Variants in PACSIN3 observed in about 807,000 individuals in gnomAD.
PACSIN3 encodes protein kinase C and casein kinase substrate in neurons protein 3.
A neutral mutation model predicts 56.1 loss-of-function variants in PACSIN3; 34 were observed. The observed-to-expected ratio is 0.61, with a 90% confidence interval of 0.46 to 0.81. The LOEUF (loss-of-function observed/expected upper bound fraction) is 0.81, where lower values mean the gene tolerates loss of function less well. Ranked by LOEUF, PACSIN3 falls within the 30% of genes least tolerant of loss-of-function variation. The pLI, the probability that PACSIN3 is intolerant of heterozygous loss-of-function variation, is 0.00. For synonymous variants in PACSIN3, 218 were observed against 229.8 expected (o/e 0.95, Z 0.46); for missense variants, 535 against 592.4 (o/e 0.90, Z 1.01).
Position 47,179,228 on chromosome 11 carries a change from G to T in PACSIN3, c.831C>A (p.Asp277Glu). Residue 277 changes from aspartate to glutamate, a missense_variant, in exon 8 of 11, where the codon GAC becomes GAA. Physicochemically the swap from Asp to Glu is conservative, Grantham distance 45. Transcript: ENST00000298838. This position sits in a 1 kb window ranked among gnomAD's most constrained non-coding sequence, Gnocchi z 4.4. The stretch of plus-strand genomic sequence containing the variant: ...TGCGCCACCAGCGCAGATCCTCTTC[G>T]TCACTGGCTGCCTCAATGCCCTGGT... ...DLHQGIEAAS[D>E]EEDLRWWRST... 1 of 1,613,956 alleles carries T rather than the reference G, an allele frequency of 6.2e-7. No individual in the cohort carries two copies. Among genetic ancestry groups the T allele is most frequent in the Non-Finnish European group, 8.5e-7 (1 of 1,180,014 alleles).
intron 3 of PACSIN3, 32 bp from the exon 4 acceptor site, chr11:47,182,591 G>A (rs1953048907): frequency 6.2e-7 from 1 of 1,604,674 alleles, no homozygotes; most frequent in Non-Finnish European, 8.5e-7. Flanking sequence ...GCCATCACCA[G>A]GGAGAAGCTT....
rs762462847 is a variant in PACSIN3, at chr11:47,182,466, C to T, written c.148G>A (p.Glu50Lys). The change falls in exon 4 of 11, where the codon GAG becomes AAG. Residue 50 changes from glutamate to lysine, a missense_variant. Physicochemically the swap from Glu to Lys is moderately conservative, Grantham distance 56. Coordinates refer to ENST00000298838, the MANE Select transcript of PACSIN3 (RefSeq NM_016223.5). ...GCCAACTGCTGGGCATAAGCCTTCT[C>T]GATGCGGGCGCGCTCCTGGAAGCAG... Reference protein sequence around the residue: ...VSCFQERARIEKAYAQQLADW... With the variant: ...VSCFQERARIKKAYAQQLADW... 4.4e-6 allele frequency: 7 copies of T among 1,606,606 alleles called. No homozygotes were observed. The highest frequency in any genetic ancestry group is 1.1e-5 in the South Asian group (1 of 91,080).
At chr11:47,181,360 C>T (rs961668450) in intron 4 of PACSIN3, among the ~76,000 whole-genome samples, 2 of 152,208 alleles carry the variant, frequency 1.3e-5, no homozygotes, top group African/African-American at 4.8e-5. Flanking sequence ...TGTGTGCCCT[C>T]GAGGAAGACA....
chr11:47,180,217 C>G lies in PACSIN3; in HGVS notation c.572G>C (p.Arg191Pro). Reference sequence around the variant, plus strand: ...GGCCTCCTTGGCACAGCGTTCCACCCGTTCCTGCAGTTTGCGCAGCTGCTC... The same window carrying G: ...GGCCTCCTTGGCACAGCGTTCCACCGGTTCCTGCAGTTTGCGCAGCTGCTC... The part of the protein sequence containing the change: ...SQEQLRKLQE[R>P]VERCAKEAEK... The change falls in exon 6 of 11, where the codon CGG (arginine) becomes CCG (proline). Residue 191 changes from arginine to proline, a missense_variant. Transcript: ENST00000298838. The G allele has an allele frequency of 6.2e-7, 1 of 1,603,618 alleles. No homozygotes were observed. Among genetic ancestry groups the G allele is most frequent in the Non-Finnish European group, 8.5e-7 (1 of 1,179,958 alleles).
intron 4 of PACSIN3, among the ~76,000 whole-genome samples, chr11:47,181,403 C>G (rs925440924): frequency 2.0e-5 from 3 of 152,362 alleles, no homozygotes; most frequent in African/African-American, 7.2e-5. Flanking sequence ...TGCTCCCAGT[C>G]AGAGGGCCTG....
chr11:47,180,759 G>T, intron 4 of PACSIN3, 69 bp from the exon 5 acceptor site: 5 of 1,273,652 alleles, frequency 3.9e-6, no homozygotes, highest in Non-Finnish European at 5.4e-6. Context: ...CCTCTCACTG[G>T]GTGTGAGGCA....
intron 6 of PACSIN3, 84 bp downstream of exon 6, chr11:47,180,102 A>C: frequency 7.9e-7 from 1 of 1,271,174 alleles, no homozygotes; most frequent in Non-Finnish European, 1.1e-6. Flanking sequence ...GGTGCTGGGG[A>C]CTGGACAAGA....
In PACSIN3 at chr11:47,180,321, G is replaced by C; in HGVS notation, c.468C>G (p.Ser156Arg). 1 of 1,602,132 alleles carries C rather than the reference G, an allele frequency of 6.2e-7. No individual in the cohort carries two copies. The highest frequency in any genetic ancestry group is 8.5e-7 in the Non-Finnish European group (1 of 1,179,962). Residue 156 changes from serine (S) to arginine (R), a missense_variant, in exon 6 of 11, where the codon AGC becomes AGG. Ser to Arg is a moderately radical substitution (Grantham distance 110, BLOSUM62 -1). Transcript: ENST00000298838. ...RLKEVEASKKSYHAARKDEKT... is the reference protein window; with the variant it reads ...RLKEVEASKKRYHAARKDEKT... Reference sequence around the variant, plus strand: ...TCTCATCCTTCCGGGCTGCGTGGTAGCTTTTCTTGGAAGCCTCAACCTGGC... The same window carrying C: ...TCTCATCCTTCCGGGCTGCGTGGTACCTTTTCTTGGAAGCCTCAACCTGGC...
rs1477753864 is a variant in PACSIN3, at chr11:47,186,043, C to T, written c.-104+306G>A. Among the ~76,000 whole-genome samples the T allele has an allele frequency of 2.0e-5, 3 of 152,046 alleles. No homozygotes were observed. Among genetic ancestry groups the T allele is most frequent in the African/African-American group, 7.2e-5 (3 of 41,444 alleles). On this transcript the variant is annotated intron_variant, in intron 1 of 10. Transcript: ENST00000298838. The surrounding 1 kb of genome is among the most constrained non-coding windows in gnomAD (Gnocchi z 4.5). ...CCAGGGAGCGAGGACCCTCTGGGGC[C>T]TCGGGGCGGGCGCGAGGCGAGCGGA... is the stretch of plus-strand genomic sequence containing the variant.
In PACSIN3 at chr11:47,179,198, G is replaced by C; in HGVS notation, c.861C>G (p.Thr287=). The change falls in exon 8 of 11, where the codon ACC becomes ACG. Residue 287 remains threonine, a synonymous_variant. Transcript: ENST00000298838. This position sits in a 1 kb window ranked among gnomAD's most constrained non-coding sequence, Gnocchi z 4.4. ...DEEDLRWWRS[T]HGPGMAMNWP... ...AGTTCATGGCCATGCCTGGCCCGTGGGTGCTGCGCCACCAGCGCAGATCCT... is the reference window on the plus strand; with the variant it reads ...AGTTCATGGCCATGCCTGGCCCGTGCGTGCTGCGCCACCAGCGCAGATCCT... 9 of 1,613,900 alleles carry C rather than the reference G, an allele frequency of 5.6e-6. No individual in the cohort carries two copies. Among genetic ancestry groups the C allele is most frequent in the Non-Finnish European group, 7.6e-6 (9 of 1,180,038 alleles).
At chr11:47,181,722 C>T (rs988326863) in intron 4 of PACSIN3, among the ~76,000 whole-genome samples, 2 of 152,060 alleles carry the variant, frequency 1.3e-5, no homozygotes, top group African/African-American at 2.4e-5. Flanking sequence ...TATTGTGGTC[C>T]CAGCTATTCA....
Position 47,179,285 on chromosome 11 carries a change from A to G in PACSIN3, c.780-6T>C. The G allele has an allele frequency of 1.2e-6, 2 of 1,613,792 alleles. No homozygotes were observed. Among genetic ancestry groups the G allele is most frequent in the Non-Finnish European group, 8.5e-7 (1 of 1,179,970 alleles). On this transcript the variant is annotated splice_polypyrimidine_tract_variant and splice_region_variant and intron_variant, in intron 7 of 10. Coordinates refer to ENST00000298838, the MANE Select transcript of PACSIN3 (RefSeq NM_016223.5). The surrounding 1 kb of genome is among the most constrained non-coding windows in gnomAD (Gnocchi z 4.4). ...CACGGTGGAGTTCATGGAACCTATG[A>G]CCCAAGGCACACCCCTCAGTCTAGG...
intron 1 of PACSIN3, among the ~76,000 whole-genome samples, chr11:47,184,863 A>G (rs1400360945): frequency 6.6e-6 from 1 of 151,992 alleles, no homozygotes; most frequent in African/African-American, 2.4e-5. Context: ...CTCCCCAGAG[A>G]GCTGCCCCCC....
In PACSIN3 at chr11:47,181,106, CAAA is replaced by C. The variant is rs562778304; in HGVS notation, c.212-419_212-417del. Among the ~76,000 whole-genome samples the C allele has an allele frequency of 7.4e-3, 1,122 of 152,046 alleles. 17 individuals carry two copies. The highest frequency in any genetic ancestry group is 0.025 in the African/African-American group (1,033 of 41,428). On this transcript the variant is annotated intron_variant, in intron 4 of 10. Transcript: ENST00000298838. ...TGAAACCCTGTCTCTACTAAAACTA[CAAA>C]AAATTAGCCGGGCATGGTGGCGGGC... is the stretch of plus-strand genomic sequence containing the variant.
chr11:47,183,161 C>G (rs1353616002), intron 1 of PACSIN3, 92 bp from the exon 2 acceptor site: 1 of 156,086 alleles, frequency 6.4e-6, no homozygotes. Context: ...CTGTCAGAAG[C>G]GCCGGATTCC....
In PACSIN3 at chr11:47,179,677, G is replaced by T; in HGVS notation, c.604-91C>A. On this transcript the variant is annotated intron_variant, in intron 6 of 10. Coordinates refer to ENST00000298838, the MANE Select transcript of PACSIN3 (RefSeq NM_016223.5). The surrounding 1 kb of genome is among the most constrained non-coding windows in gnomAD (Gnocchi z 4.4). ...TACCAGACACTGCCATAGGCTGCTA[G>T]ACCCAGGGCTAGCCACTAGGGGCAA... The T allele has an allele frequency of 1.5e-6, 2 of 1,317,350 alleles. No homozygotes were observed. The highest frequency in any genetic ancestry group is 2.1e-6 in the Non-Finnish European group (2 of 961,984). The allele number at this position is 1,317,350 out of a possible 1,614,324, so 81.6% of individuals were successfully genotyped here.
chr11:47,180,686 G>A lies in PACSIN3; in HGVS notation c.216C>T (p.Pro72=). The change falls in exon 5 of 11, where the codon CCC becomes CCT. Residue 72 remains proline, a synonymous_variant. Coordinates refer to ENST00000298838, the MANE Select transcript of PACSIN3 (RefSeq NM_016223.5). ...RKWRGTVEKG[P]QYGTLEKAWH... is the part of the protein sequence containing the mutation. ...AGGCCTTCTCCAGTGTGCCATACTG[G>A]GGGCCTGCAGGGAGGGACAGGGCTT... The A allele has an allele frequency of 6.3e-7, 1 of 1,594,534 alleles. No individual in the cohort carries two copies. Among genetic ancestry groups the A allele is most frequent in the East Asian group, 2.2e-5 (1 of 44,744 alleles).
At chr11:47,180,107 A>T in intron 6 of PACSIN3, 79 bp downstream of exon 6, 2 of 1,355,722 alleles carry the variant, frequency 1.5e-6, no homozygotes, top group Non-Finnish European at 2.1e-6. Context: ...TGGGGACTGG[A>T]CAAGATGTTC....
chr11:47,178,224 C>T lies in PACSIN3; in HGVS notation c.1159+142G>A. The T allele has an allele frequency of 7.8e-7, 1 of 1,277,864 alleles. No homozygotes were observed. Among genetic ancestry groups the T allele is most frequent in the East Asian group, 2.3e-5 (1 of 43,038 alleles). 79.2% of individuals were successfully genotyped at this position (1,277,864 alleles called of 1,614,324 possible). On this transcript the variant is annotated intron_variant, in intron 10 of 10. Transcript: ENST00000298838. This position sits in a 1 kb window ranked among gnomAD's most constrained non-coding sequence, Gnocchi z 4.2. ...CACCCCAGACCCTGAATGCAGCCAC[C>T]AGGCACCAGCTATCTGGACCTGGAA...
Sources: allele counts gnomAD v4.1 joint callset (sites outside exome capture counted in the v4.1 genomes callset), GRCh38; gene constraint gnomAD v4.1.1; non-coding constraint Gnocchi (gnomAD v3.1); transcripts MANE v1.5; gene names NCBI Gene and HGNC (gene_info 2026-07-23, HGNC 2026-07-21).